CXorf58: variants seen among roughly 807,000 people sequenced by gnomAD.
CXorf58 encodes chromosome X open reading frame 58, also known as uncharacterized protein CXorf58.
A neutral mutation model predicts 26.0 loss-of-function variants in CXorf58; 24 were observed. The ratio of observed to expected loss-of-function variants is 0.92; its 90% CI spans 0.67 to 1.30. The LOEUF is 1.30. Ranked by LOEUF, CXorf58 falls within the 50% of genes most tolerant of loss-of-function variation. The probability of loss-of-function intolerance (pLI) is 0.00; values close to 1 mark genes in which losing one functional copy is unlikely to be tolerated. For synonymous variants in CXorf58, 87 were observed against 86.1 expected (o/e 1.01, Z -0.06); for missense variants, 236 against 263.9 (o/e 0.89, Z 0.73).
chrX:23,932,308 T>G (rs1928181500), intron 6 of CXorf58, among the ~76,000 whole-genome samples: 3 of 112,142 alleles, frequency 2.7e-5, no homozygotes, highest in Non-Finnish European at 5.6e-5. Flanking sequence ...CATAGCCACT[T>G]TCCTCATTTA....
At chrX:23,909,058 C>T (rs1927497443) in intron 1 of CXorf58, among the ~76,000 whole-genome samples, 1 of 111,459 alleles carries the variant, frequency 9.0e-6, no homozygotes, top group African/African-American at 3.3e-5. Flanking sequence ...GCTTAGCTCC[C>T]AGATGTTAAG....
intron 5 of CXorf58, among the ~76,000 whole-genome samples, chrX:23,922,768 G>A (rs1294226276): frequency 8.9e-6 from 1 of 112,477 alleles, no homozygotes; most frequent in African/African-American, 3.2e-5. Flanking sequence ...CCAAGAAACT[G>A]TTCCAATGCA....
At chrX:23,911,014 G>C (rs778574277) in intron 2 of CXorf58, among the ~76,000 whole-genome samples, 2 of 110,274 alleles carry the variant, frequency 1.8e-5, no homozygotes, top group African/African-American at 6.6e-5. Context: ...GATCCCACCC[G>C]CCTCGGCCTC....
chrX:23,925,662 A>G (rs1927987805), intron 5 of CXorf58, among the ~76,000 whole-genome samples: 2 of 109,639 alleles, frequency 1.8e-5, no homozygotes, highest in African/African-American at 3.3e-5. Flanking sequence ...CCACTCTTTT[A>G]GGCCTTGTAT....
rs191160655 is a variant in CXorf58, at chrX:23,924,295, A to G, written c.424-2944A>G. Among the ~76,000 whole-genome samples the G allele has an allele frequency of 4.1e-4, 41 of 99,368 alleles. No individual in the cohort carries two copies. In the East Asian group the frequency reaches 0.011, roughly 27 times the overall value. 86.3% of individuals were successfully genotyped at this position (99,368 alleles called of 115,157 possible). A position where few individuals can be genotyped will look rare whatever the true frequency, so the allele number is the denominator to read the frequency against. ...CATAATGGAGAGATTTGCCAATACTATCTTTATTTTATTTATTTATTTATT... is the reference window on the plus strand; with the variant it reads ...CATAATGGAGAGATTTGCCAATACTGTCTTTATTTTATTTATTTATTTATT... On this transcript the variant is annotated intron_variant, in intron 5 of 8. Transcript: ENST00000379211.
At chrX:23,914,340 C>T (rs1294050112) in intron 3 of CXorf58, among the ~76,000 whole-genome samples, 4 of 111,342 alleles carry the variant, frequency 3.6e-5, no homozygotes, top group African/African-American at 1.3e-4. Flanking sequence ...CCCGCTTTGG[C>T]CTCCCAAAGT....
intron 5 of CXorf58, among the ~76,000 whole-genome samples, chrX:23,919,811 A>C (rs1047102135): frequency 1.8e-5 from 2 of 112,354 alleles, no homozygotes; most frequent in East Asian, 5.6e-4. Flanking sequence ...ATTCAAAGGG[A>C]CTCAGGTGTC....
At chrX:23,922,518 T>C (rs1033808802) in intron 5 of CXorf58, among the ~76,000 whole-genome samples, 2 of 112,239 alleles carry the variant, frequency 1.8e-5, no homozygotes, top group African/African-American at 6.5e-5. Flanking sequence ...TTAGGAACTA[T>C]GCTAAACAGC....
chrX:23,911,953 C>CT (rs746350773), intron 3 of CXorf58, 97 bp downstream of exon 3: 33,814 of 401,556 alleles, frequency 0.084, 6 homozygotes, highest in Non-Finnish European at 0.1. Flanking sequence ...TTTATCTCCT[C>CT]TTTTTTTTTT....
chrX:23,917,794 G>T (rs770059375), intron 5 of CXorf58, among the ~76,000 whole-genome samples: 16 of 112,283 alleles, frequency 1.4e-4, no homozygotes, highest in Non-Finnish European at 2.8e-4. Context: ...TGGGAATCTT[G>T]TTAAAATGCT....
chrX:23,910,419 G>T lies in CXorf58; in HGVS notation c.116+1G>T, dbSNP rs767281926. The T allele has an allele frequency of 2.9e-6, 3 of 1,030,713 alleles. No homozygotes were observed. In the Admixed American group the frequency reaches 6.8e-5, roughly 23 times the overall value. 84.9% of individuals were successfully genotyped at this position (1,030,713 alleles called of 1,213,427 possible). On this transcript the variant is annotated splice_donor_variant, in intron 2 of 8. Transcript: ENST00000379211. LOFTEE classifies it high-confidence loss of function. ...CACGAAATGCAAGATCATTACTATC[G>T]TAAGTACCTGTGTTTTGCCTTGTGT... is the stretch of plus-strand genomic sequence containing the variant.
At chrX:23,927,790 C>A (rs1440875076) in intron 6 of CXorf58, among the ~76,000 whole-genome samples, 1 of 111,559 alleles carries the variant, frequency 9.0e-6, no homozygotes, top group Admixed American at 9.7e-5. Flanking sequence ...TTGTTCCCCT[C>A]TATGTGTCCA....
intron 6 of CXorf58, among the ~76,000 whole-genome samples, chrX:23,932,203 T>C (rs1238512207): frequency 8.9e-6 from 1 of 112,840 alleles, no homozygotes; most frequent in Admixed American, 9.4e-5. Flanking sequence ...TTTTATTCTT[T>C]GCACTTTAAA....
At chrX:23,912,259 A>G (rs62584864) in intron 3 of CXorf58, among the ~76,000 whole-genome samples, 8,758 of 110,798 alleles carry the variant, frequency 0.079, 401 homozygotes, top group Non-Finnish European at 0.12. Context: ...CCCTTTCTTT[A>G]TCTCTTCTAT....
intron 7 of CXorf58, among the ~76,000 whole-genome samples, chrX:23,936,207 C>G (rs929118118): frequency 1.1e-3 from 118 of 111,158 alleles, no homozygotes; most frequent in African/African-American, 3.7e-3. Flanking sequence ...GTGTGCCTCT[C>G]TGGGAAGACA....
intron 6 of CXorf58, among the ~76,000 whole-genome samples, chrX:23,931,053 G>T (rs1928156595): frequency 8.9e-6 from 1 of 111,882 alleles, no homozygotes; most frequent in Admixed American, 9.6e-5. Flanking sequence ...ACCATGGTCT[G>T]CAACTAGACC....
intron 5 of CXorf58, 172 bp downstream of exon 5, chrX:23,916,500 TAAAAA>T: frequency 3.5e-4 from 40 of 115,321 alleles, no homozygotes; most frequent in East Asian, 8.3e-4. Flanking sequence ...ACTTACTAGC[TAAAAA>T]AAAAAAAAAA....
chrX:23,907,997 C>T (rs1927453311), upstream of CXorf58: 1 of 286,227 alleles, frequency 3.5e-6, no homozygotes, highest in East Asian at 5.9e-5. Context: ...AAGAAAGCGC[C>T]GGCTCTGTGT....
intron 6 of CXorf58, among the ~76,000 whole-genome samples, chrX:23,932,637 A>G (rs1015929312): frequency 1.8e-5 from 2 of 111,874 alleles, no homozygotes; most frequent in African/African-American, 6.5e-5. Flanking sequence ...GGAAGGTATG[A>G]CATGATTTGT....
Sources: allele counts gnomAD v4.1 joint callset (sites outside exome capture counted in the v4.1 genomes callset), GRCh38; gene constraint gnomAD v4.1.1; transcripts MANE v1.5; gene names NCBI Gene and HGNC (gene_info 2026-07-23, HGNC 2026-07-21).